The following SLCO3A1 variants were observed in gnomAD, a reference collection of about 807,000 sequenced individuals.
SLCO3A1 encodes solute carrier organic anion transporter family member 3A1.
A neutral mutation model predicts 63.1 loss-of-function variants in SLCO3A1; 27 were observed. The observed-to-expected ratio is 0.43, with a 90% CI of 0.32 to 0.59. The LOEUF (loss-of-function observed/expected upper bound fraction) is 0.59. Ranked by LOEUF, SLCO3A1 falls within the 20% of genes least tolerant of loss-of-function variation. SLCO3A1 has a pLI of 0.09. For missense variants in SLCO3A1, 773 were observed against 945.8 expected, an observed-to-expected ratio of 0.82 and a Z score of 2.40; for synonymous variants, 473 against 409.9, an observed-to-expected ratio of 1.15 and a Z score of -1.86.
rs2047157901 is a variant in SLCO3A1, at chr15:92,066,816, G to A, written c.647-28065G>A. Among the ~76,000 whole-genome samples, 6 of 152,232 alleles carry A rather than the reference G, an allele frequency of 3.9e-5. 1 individual carries two copies. In the South Asian group the frequency reaches 1.2e-3, roughly 31 times the overall value. ...ACTGCTGCCCTCTCTATGGCTGGCAGTGGTGAGGACTTGTTGTGGCCGTGT... is the reference window on the plus strand; with the variant it reads ...ACTGCTGCCCTCTCTATGGCTGGCAATGGTGAGGACTTGTTGTGGCCGTGT... On this transcript the variant is annotated intron_variant, in intron 2 of 9. Transcript: ENST00000318445.
intron 4 of SLCO3A1, 54 bp downstream of exon 4, chr15:92,104,596 G>A (rs1458115395): frequency 6.4e-6 from 10 of 1,566,742 alleles, no homozygotes; most frequent in Non-Finnish European, 8.6e-7. Flanking sequence ...TTGGGATGGG[G>A]GTGATGAATG....
intron 2 of SLCO3A1, among the ~76,000 whole-genome samples, chr15:92,058,803 C>T (rs2047052114): frequency 6.6e-6 from 1 of 152,116 alleles, no homozygotes; most frequent in Admixed American, 6.5e-5. Context: ...AGAATCTGTG[C>T]CTGCCCCGCC....
rs1378938478 is a variant in SLCO3A1, at chr15:91,900,223, C to T, written c.181-15770C>T. The stretch of plus-strand genomic sequence containing the variant: ...AACTTTTTAAGAAGCTGTTCAACTG[C>T]TTTTCAAAGTGGCTATAACCATTTT... On this transcript the variant is annotated intron_variant, in intron 1 of 9. Coordinates refer to ENST00000318445, the MANE Select transcript of SLCO3A1 (RefSeq NM_013272.4). The surrounding 1 kb of genome is among the most constrained non-coding windows in gnomAD (Gnocchi z 4.3). Among the ~76,000 whole-genome samples the T allele has an allele frequency of 6.6e-6, 1 of 152,204 alleles. No individual in the cohort carries two copies. The highest frequency in any genetic ancestry group is 1.9e-4 in the East Asian group (1 of 5,202).
intron 2 of SLCO3A1, among the ~76,000 whole-genome samples, chr15:91,976,524 T>C (rs1470430315): frequency 6.6e-6 from 1 of 152,158 alleles, no homozygotes; most frequent in Non-Finnish European, 1.5e-5. Flanking sequence ...GTACGTGCCA[T>C]TGGGCTTCGA....
At position 91,872,756 on chromosome 15, in the gene SLCO3A1, C is replaced by G. The variant is rs375510908; in HGVS notation, c.180+18668C>G. Among the ~76,000 whole-genome samples, 1 of 152,318 alleles carries G rather than the reference C, an allele frequency of 6.6e-6. No homozygotes were observed. ...TGTGAGAGAACACTGTTCTCACTCT[C>G]TCTTTTAAACTGAGGGAAAAGGTAA... On this transcript the variant is annotated intron_variant, in intron 1 of 9. Transcript: ENST00000318445. The surrounding 1 kb of genome is among the most constrained non-coding windows in gnomAD (Gnocchi z 4.1).
rs1002903550 is a variant in SLCO3A1 at position 91,872,239 on chromosome 15, A to G, written c.180+18151A>G. Among the ~76,000 whole-genome samples the G allele has an allele frequency of 6.6e-6, 1 of 152,208 alleles. No individual in the cohort carries two copies. The highest frequency in any genetic ancestry group is 1.5e-5 in the Non-Finnish European group (1 of 68,042). ...GAAATAGGGCTCACTTCTAGAAGTT[A>G]AAGAATGTGCTGGATGGGCACGGTG... is the stretch of plus-strand genomic sequence containing the variant. On this transcript the variant is annotated intron_variant, in intron 1 of 9. Transcript: ENST00000318445. This position sits in a 1 kb window ranked among gnomAD's most constrained non-coding sequence, Gnocchi z 4.1.
chr15:92,031,041 AGGG>A (rs1197925566), intron 2 of SLCO3A1, among the ~76,000 whole-genome samples: 3 of 96,626 alleles, frequency 3.1e-5, no homozygotes, highest in Admixed American at 2.3e-4. Context: ...GGAGGGAGGG[AGGG>A]AAGGGGAGGA....
At chr15:91,858,957 A>G (rs1338455072) in intron 1 of SLCO3A1, among the ~76,000 whole-genome samples, 1 of 152,196 alleles carries the variant, frequency 6.6e-6, no homozygotes, top group Non-Finnish European at 1.5e-5. Context: ...TACTAGCTGC[A>G]TTTCTCTGGC....
chr15:92,002,020 T>C (rs567044405), intron 2 of SLCO3A1, among the ~76,000 whole-genome samples: 51 of 152,178 alleles, frequency 3.4e-4, no homozygotes, highest in Non-Finnish European at 5.3e-4. Flanking sequence ...TCTTTTCATA[T>C]TGCTCTTCTA....
chr15:92,119,449 G>A (rs1384350711), intron 4 of SLCO3A1, among the ~76,000 whole-genome samples: 1 of 152,182 alleles, frequency 6.6e-6, no homozygotes, highest in African/African-American at 2.4e-5. Context: ...TTTCATAGAA[G>A]CCCTGAGCAC....
At position 91,953,187 on chromosome 15, in the gene SLCO3A1, G is replaced by T. The variant is rs144266114; in HGVS notation, c.646+36729G>T. On this transcript the variant is annotated intron_variant, in intron 2 of 9. Coordinates refer to ENST00000318445, the MANE Select transcript of SLCO3A1 (RefSeq NM_013272.4). ...AACATCTATATATAAAGTGGCTAAC[G>T]TAAGATAAACTGTCATCTTAGAAAG... Among the ~76,000 whole-genome samples, 18 of 152,286 alleles carry T rather than the reference G, an allele frequency of 1.2e-4. No individual in the cohort carries two copies. The South Asian group carries it at 3.1e-3, about 26-fold the overall frequency.
At chr15:91,931,106 G>A (rs1202075809) in intron 2 of SLCO3A1, among the ~76,000 whole-genome samples, 2 of 152,174 alleles carry the variant, frequency 1.3e-5, no homozygotes, top group African/African-American at 4.8e-5. Context: ...TGTGAATAAT[G>A]ACCAGTCCCT....
At chr15:92,080,318 T>G (rs2047327945) in intron 2 of SLCO3A1, among the ~76,000 whole-genome samples, 1 of 152,036 alleles carries the variant, frequency 6.6e-6, no homozygotes, top group East Asian at 1.9e-4. Context: ...AAAAGGTGAT[T>G]TTTGTGTTTT....
chr15:92,009,910 C>T (rs1285706010), intron 2 of SLCO3A1, among the ~76,000 whole-genome samples: 2 of 152,164 alleles, frequency 1.3e-5, no homozygotes, highest in African/African-American at 4.8e-5. Flanking sequence ...GAGGCATTTT[C>T]CAAAGCCCCG....
At chr15:92,051,120 C>T (rs1341409936) in intron 2 of SLCO3A1, among the ~76,000 whole-genome samples, 3 of 152,142 alleles carry the variant, frequency 2.0e-5, no homozygotes, top group East Asian at 3.9e-4. Context: ...TTTTCTCTTA[C>T]TATGATAGAG....
chr15:91,965,125 T>TTCCC lies in SLCO3A1; in HGVS notation c.646+48667_646+48668insTCCC, dbSNP rs527744523. On this transcript the variant is annotated intron_variant, in intron 2 of 9. Coordinates refer to ENST00000318445, the MANE Select transcript of SLCO3A1 (RefSeq NM_013272.4). ...GTGGATGATTAGGGTTTTTAGAATC[T>TTCCC]GTTGGGAAGGGGAAGAGGTATACAT... 1.7e-3 allele frequency among the ~76,000 whole-genome samples: 254 copies of TTCCC among 152,202 alleles called. 1 individual carries two copies. The highest frequency in any genetic ancestry group is 5.8e-3 in the African/African-American group (242 of 41,500).
chr15:91,854,042 C>A lies in SLCO3A1; in HGVS notation c.134C>A (p.Ser45Tyr). 1 of 1,543,378 alleles carries A rather than the reference C, an allele frequency of 6.5e-7. No homozygotes were observed. The highest frequency in any genetic ancestry group is 8.7e-7 in the Non-Finnish European group (1 of 1,143,460). Residue 45 changes from serine (S) to tyrosine (Y), a missense_variant, in exon 1 of 10, where the codon TCC (serine) becomes TAC (tyrosine). Physicochemically the swap from Ser to Tyr is moderately radical, Grantham distance 144. Coordinates refer to ENST00000318445, the MANE Select transcript of SLCO3A1 (RefSeq NM_013272.4). The surrounding 1 kb of genome is among the most constrained non-coding windows in gnomAD (Gnocchi z 6.4). ...TCCAACATCAAGATCTTCCTGGTGTCCGAGTGCGCCCTGATGCTGGCGCAG... is the reference window on the plus strand; with the variant it reads ...TCCAACATCAAGATCTTCCTGGTGTACGAGTGCGCCCTGATGCTGGCGCAG... ...CFSNIKIFLV[S>Y]ECALMLAQGT...
intron 1 of SLCO3A1, among the ~76,000 whole-genome samples, chr15:91,899,853 A>AAT (rs1898108095): frequency 1.3e-5 from 2 of 152,176 alleles, no homozygotes; most frequent in Non-Finnish European, 1.5e-5. Flanking sequence ...AGAATCATGC[A>AAT]ATATATATAG....
At chr15:91,980,895 C>T (rs956521318) in intron 2 of SLCO3A1, among the ~76,000 whole-genome samples, 7 of 152,210 alleles carry the variant, frequency 4.6e-5, no homozygotes, top group African/African-American at 1.7e-4. Context: ...TTCCCTTGGC[C>T]TTGGGTCCAG....
Sources: allele counts gnomAD v4.1 joint callset (sites outside exome capture counted in the v4.1 genomes callset), GRCh38; gene constraint gnomAD v4.1.1; non-coding constraint Gnocchi (gnomAD v3.1); transcripts MANE v1.5; gene names NCBI Gene and HGNC (gene_info 2026-07-23, HGNC 2026-07-21).